Variants in A1CF observed in about 807,000 individuals in gnomAD.
The protein encoded by A1CF is APOBEC-1 stimulating protein.
A neutral mutation model predicts 68.9 loss-of-function variants in A1CF; 48 were observed. The observed-to-expected ratio is 0.70, with a 90% confidence interval of 0.55 to 0.89. The LOEUF is 0.89. Among genes scored for constraint, A1CF ranks in the 40% least tolerant of loss-of-function variants. The pLI is 0.00. For synonymous variants in A1CF, 272 were observed against 260.4 expected, an observed-to-expected ratio of 1.04 and a Z score of -0.43; for missense variants, 653 against 718.9, an observed-to-expected ratio of 0.91 and a Z score of 1.05.
intron 6 of A1CF, among the ~76,000 whole-genome samples, chr10:50,829,426 C>T (rs974139322): frequency 6.6e-6 from 1 of 152,096 alleles, no homozygotes; most frequent in African/African-American, 2.4e-5. Flanking sequence ...CAGGAACTCT[C>T]AGTATTGGTA....
chr10:50,806,654 C>T lies in A1CF; in HGVS notation c.*75G>A, dbSNP rs1034635147. On this transcript the variant is annotated 3_prime_UTR_variant, in exon 13 of 13. Transcript: ENST00000373997. ...CATATTATTTATGATCATTGGGGAC[C>T]GAGTTAGAGGTTTATTTCTTTTTTT... 1.6e-5 allele frequency: 22 copies of T among 1,359,272 alleles called. No homozygotes were observed. Among genetic ancestry groups the T allele is most frequent in the African/African-American group, 3.0e-5 (2 of 67,168 alleles). The allele number at this position is 1,359,272 out of a possible 1,614,324, so 84.2% of individuals were successfully genotyped here.
intron 5 of A1CF, among the ~76,000 whole-genome samples, chr10:50,836,790 T>C (rs1319720365): frequency 6.7e-6 from 1 of 150,112 alleles, no homozygotes; most frequent in Non-Finnish European, 1.5e-5. Flanking sequence ...ACATGCAGTG[T>C]TTGGTTTTTT....
intron 1 of A1CF, among the ~76,000 whole-genome samples, chr10:50,869,344 A>G (rs1841145046): frequency 6.6e-6 from 1 of 152,002 alleles, no homozygotes; most frequent in Non-Finnish European, 1.5e-5. Flanking sequence ...CTTATTCTTT[A>G]TTTGCTGCTT....
intron 7 of A1CF, among the ~76,000 whole-genome samples, chr10:50,825,381 A>G (rs1257726040): frequency 1.3e-5 from 2 of 152,162 alleles, no homozygotes; most frequent in African/African-American, 2.4e-5. Context: ...GGCAAAAAAG[A>G]GCAGTCATGT....
intron 5 of A1CF, among the ~76,000 whole-genome samples, chr10:50,839,691 G>T (rs1839681946): frequency 6.6e-6 from 1 of 152,190 alleles, no homozygotes; most frequent in Non-Finnish European, 1.5e-5. Context: ...GGAATTGAAT[G>T]GTTAGACTAC....
chr10:50,868,063 C>T (rs1281028085), intron 1 of A1CF, among the ~76,000 whole-genome samples: 3 of 152,170 alleles, frequency 2.0e-5, no homozygotes, highest in African/African-American at 7.2e-5. Context: ...ATGATGGCTT[C>T]ACTTGCCTCT....
intron 3 of A1CF, among the ~76,000 whole-genome samples, chr10:50,854,435 T>C (rs1358595570): frequency 6.6e-6 from 1 of 152,006 alleles, no homozygotes; most frequent in East Asian, 1.9e-4. Context: ...TAATATTACA[T>C]TGGATATTTA....
At chr10:50,875,521 A>C (rs1301669670) in intron 1 of A1CF, among the ~76,000 whole-genome samples, 2 of 152,240 alleles carry the variant, frequency 1.3e-5, no homozygotes, top group East Asian at 3.8e-4. Flanking sequence ...TGAATAATGA[A>C]GAGCCTGAGC....
intron 11 of A1CF, among the ~76,000 whole-genome samples, chr10:50,810,269 A>G (rs1206300436): frequency 6.6e-6 from 1 of 152,206 alleles, no homozygotes; most frequent in African/African-American, 2.4e-5. Flanking sequence ...CATACAAGTA[A>G]TTCACTACAT....
rs1175265544 is a variant in A1CF, at chr10:50,799,425, C to G, written c.*7304G>C. 1 of 152,032 alleles carries G rather than the reference C, an allele frequency of 6.6e-6. No homozygotes were observed. Among genetic ancestry groups the G allele is most frequent in the African/African-American group, 2.4e-5 (1 of 41,418 alleles). 9.4% of individuals were successfully genotyped at this position (152,032 alleles called of 1,614,324 possible). On this transcript the variant is annotated 3_prime_UTR_variant, in exon 13 of 13. Coordinates refer to ENST00000373997, the MANE Select transcript of A1CF (RefSeq NM_014576.4). ...CAACTCATATTGATAATTTTTAAAA[C>G]TTTATAATGGCACTTGAAAATTCAA...
At chr10:50,878,580 C>G (rs1841625892) in intron 1 of A1CF, among the ~76,000 whole-genome samples, 1 of 152,200 alleles carries the variant, frequency 6.6e-6, no homozygotes, top group Non-Finnish European at 1.5e-5. Context: ...ATGCCAACAT[C>G]ACAGGTCAGA....
chr10:50,844,251 A>C (rs1839901473), intron 3 of A1CF, 129 bp from the exon 4 acceptor site: 1 of 1,350,342 alleles, frequency 7.4e-7, no homozygotes, highest in East Asian at 2.5e-5. Context: ...ATAATAGTGG[A>C]CTGGTTAAAG....
intron 5 of A1CF, among the ~76,000 whole-genome samples, chr10:50,837,522 C>T (rs971309620): frequency 3.9e-5 from 6 of 152,214 alleles, no homozygotes; most frequent in Admixed American, 1.3e-4. Flanking sequence ...TTTAAAATCT[C>T]CCCCAAATTG....
chr10:50,822,211 G>C (rs1838710268), intron 7 of A1CF, among the ~76,000 whole-genome samples: 1 of 152,072 alleles, frequency 6.6e-6, no homozygotes, highest in Non-Finnish European at 1.5e-5. Context: ...GAGATAGTTG[G>C]ATGTTATATT....
chr10:50,843,752 T>G (rs138507504), intron 4 of A1CF, among the ~76,000 whole-genome samples: 62 of 152,294 alleles, frequency 4.1e-4, no homozygotes, highest in Non-Finnish European at 7.5e-4. Flanking sequence ...GAACAAGATA[T>G]AGATTTGACA....
At chr10:50,835,349 A>G (rs528254323) in intron 6 of A1CF, among the ~76,000 whole-genome samples, 1 of 152,286 alleles carries the variant, frequency 6.6e-6, no homozygotes, top group African/African-American at 2.4e-5. Context: ...AATTTTCATG[A>G]GAAAAGTTCA....
At chr10:50,832,273 G>C (rs1839283032) in intron 6 of A1CF, among the ~76,000 whole-genome samples, 2 of 152,198 alleles carry the variant, frequency 1.3e-5, no homozygotes, top group Non-Finnish European at 2.9e-5. Flanking sequence ...TAATACCATG[G>C]AAACTGGCAA....
chr10:50,884,110 G>A (rs1841901835), intron 1 of A1CF, among the ~76,000 whole-genome samples: 1 of 152,166 alleles, frequency 6.6e-6, no homozygotes, highest in South Asian at 2.1e-4. Flanking sequence ...ACTTGACAAT[G>A]GAGTTGCTTT....
At chr10:50,816,883 T>C (rs1838398728) in intron 8 of A1CF, among the ~76,000 whole-genome samples, 1 of 152,170 alleles carries the variant, frequency 6.6e-6, no homozygotes, top group Non-Finnish European at 1.5e-5. Flanking sequence ...TCTGGGAGGC[T>C]GTTGCATTGC....
Sources: gnomAD v4.1 joint callset for allele counts (sites outside exome capture counted in the v4.1 genomes callset) on GRCh38, gnomAD v4.1.1 for gene constraint, MANE v1.5 for transcripts, NCBI Gene and HGNC (gene_info 2026-07-23, HGNC 2026-07-21) for gene names.